Variants in AHCYL2 observed in about 807,000 individuals in gnomAD.
AHCYL2 encodes the protein S-adenosylhomocysteine hydrolase-like protein 2.
AHCYL2 carries 28 observed loss-of-function variants against 81.4 expected under a neutral mutation model. The observed-to-expected ratio is 0.34, with a 90% CI of 0.25 to 0.47. The LOEUF (loss-of-function observed/expected upper bound fraction) is 0.47, where lower values mean the gene tolerates loss of function less well. Among genes scored for constraint, AHCYL2 ranks in the 20% least tolerant of loss-of-function variants. The pLI is 1.00. For synonymous variants in AHCYL2, 272 were observed against 290.2 expected (o/e 0.94, Z 0.64); for missense variants, 551 against 785.1 (o/e 0.70, Z 3.56).
In AHCYL2 at chr7:129,331,181, C is replaced by T. The variant is rs113728485; in HGVS notation, c.364-48457C>T. On this transcript the variant is annotated intron_variant, in intron 1 of 16. Coordinates refer to ENST00000325006, the MANE Select transcript of AHCYL2 (RefSeq NM_015328.4). The stretch of plus-strand genomic sequence containing the variant: ...TATTTTTAATGTATAAAACTCTGTG[C>T]GGATGAAGGGGTGAGAAGACGAACA... Among the ~76,000 whole-genome samples the T allele has an allele frequency of 6.1e-3, 925 of 152,050 alleles. 12 individuals are homozygous for T. The highest frequency in any genetic ancestry group is 0.021 in the African/African-American group (889 of 41,478).
At position 129,426,395 on chromosome 7, in the gene AHCYL2, G is replaced by A; in HGVS notation, c.1709-48G>A. The A allele has an allele frequency of 6.2e-7, 1 of 1,613,892 alleles. No homozygotes were observed. The highest frequency in any genetic ancestry group is 8.5e-7 in the Non-Finnish European group (1 of 1,179,800). ...CCTAGCTTGGGGACAATAGCCATCA[G>A]ATAAAAGGCATGAATGCTTATACCA... is the stretch of plus-strand genomic sequence containing the variant. On this transcript the variant is annotated intron_variant, in intron 15 of 16. Coordinates refer to ENST00000325006, the MANE Select transcript of AHCYL2 (RefSeq NM_015328.4). The surrounding 1 kb of genome is among the most constrained non-coding windows in gnomAD (Gnocchi z 4.3).
intron 1 of AHCYL2, among the ~76,000 whole-genome samples, chr7:129,367,061 A>G (rs968588448): frequency 6.6e-6 from 1 of 152,172 alleles, no homozygotes; most frequent in East Asian, 1.9e-4. Flanking sequence ...TGGCCTCTTC[A>G]AAGTAGGCAA....
chr7:129,282,432 G>T (rs1367006080), intron 1 of AHCYL2, among the ~76,000 whole-genome samples: 1 of 151,798 alleles, frequency 6.6e-6, no homozygotes, highest in African/African-American at 2.4e-5. Context: ...GTTTACTTTG[G>T]GTAGTTTTTA....
intron 1 of AHCYL2, among the ~76,000 whole-genome samples, chr7:129,367,483 A>G (rs1053771992): frequency 2.6e-5 from 4 of 152,174 alleles, no homozygotes; most frequent in African/African-American, 9.7e-5. Flanking sequence ...GTTGGTATGG[A>G]GAGATAAAGC....
At chr7:129,282,201 T>C (rs574301647) in intron 1 of AHCYL2, among the ~76,000 whole-genome samples, 3 of 152,158 alleles carry the variant, frequency 2.0e-5, no homozygotes, top group Non-Finnish European at 4.4e-5. Context: ...TTTTCTATTA[T>C]TGGTGCATTT....
intron 1 of AHCYL2, among the ~76,000 whole-genome samples, chr7:129,357,206 A>G (rs1260549473): frequency 2.0e-5 from 3 of 152,338 alleles, no homozygotes; most frequent in African/African-American, 7.2e-5. Flanking sequence ...TGGAACTGAA[A>G]AGGGGTATTA....
At chr7:129,269,214 C>T (rs1795918289) in intron 1 of AHCYL2, among the ~76,000 whole-genome samples, 1 of 151,116 alleles carries the variant, frequency 6.6e-6, no homozygotes, top group African/African-American at 2.4e-5. Flanking sequence ...CCTCAACCTC[C>T]CAGGCTCAAG....
At chr7:129,412,605 G>A (rs764728630) in intron 11 of AHCYL2, among the ~76,000 whole-genome samples, 3 of 151,984 alleles carry the variant, frequency 2.0e-5, no homozygotes, top group Non-Finnish European at 4.4e-5. Context: ...TTTTAAAAGT[G>A]ACTGCACCAT....
chr7:129,247,848 C>T (rs1795113896), intron 1 of AHCYL2, among the ~76,000 whole-genome samples: 1 of 152,262 alleles, frequency 6.6e-6, no homozygotes. Context: ...TCAATCTGCC[C>T]ACTTCTGCCT....
At chr7:129,251,574 C>A (rs1315314665) in intron 1 of AHCYL2, among the ~76,000 whole-genome samples, 1 of 152,108 alleles carries the variant, frequency 6.6e-6, no homozygotes, top group Non-Finnish European at 1.5e-5. Flanking sequence ...ATTTGAAACA[C>A]ATCTCGCCTC....
intron 1 of AHCYL2, among the ~76,000 whole-genome samples, chr7:129,367,444 A>C (rs1389458422): frequency 6.6e-6 from 1 of 152,180 alleles, no homozygotes; most frequent in Non-Finnish European, 1.5e-5. Context: ...TCTTATTTCC[A>C]AAATTCTGAA....
chr7:129,231,982 G>A (rs1794460326), intron 1 of AHCYL2, among the ~76,000 whole-genome samples: 1 of 151,730 alleles, frequency 6.6e-6, no homozygotes, highest in Non-Finnish European at 1.5e-5. Context: ...TATTGGTTTG[G>A]GGCACCTAGT....
At chr7:129,412,262 A>G (rs1187496924) in intron 11 of AHCYL2, among the ~76,000 whole-genome samples, 1 of 152,138 alleles carries the variant, frequency 6.6e-6, no homozygotes, top group Admixed American at 6.6e-5. Context: ...TGAGTGATTT[A>G]AAACAAAAAA....
At chr7:129,371,334 G>A (rs541989466) in intron 1 of AHCYL2, among the ~76,000 whole-genome samples, 40 of 152,196 alleles carry the variant, frequency 2.6e-4, no homozygotes, top group African/African-American at 9.2e-4. Flanking sequence ...AGCAAAAAGG[G>A]ACTTCATATC....
At position 129,335,858 on chromosome 7, in the gene AHCYL2, G is replaced by A. The variant is rs142182794; in HGVS notation, c.364-43780G>A. 5.5e-3 allele frequency among the ~76,000 whole-genome samples: 842 copies of A among 152,206 alleles called. 11 individuals carry two copies. Among genetic ancestry groups the A allele is most frequent in the African/African-American group, 0.02 (812 of 41,510 alleles). The stretch of plus-strand genomic sequence containing the variant: ...GCATTACTTCCCCTGTACTGTATTG[G>A]TTGAAGCAGATACAAGCATGCCCAG... On this transcript the variant is annotated intron_variant, in intron 1 of 16. Transcript: ENST00000325006.
At chr7:129,396,289 A>AT (rs1010596990) in intron 4 of AHCYL2, among the ~76,000 whole-genome samples, 5 of 150,198 alleles carry the variant, frequency 3.3e-5, no homozygotes, top group East Asian at 2.0e-4. Flanking sequence ...CACCCGGCTA[A>AT]TTTTTTTTTG....
intron 1 of AHCYL2, among the ~76,000 whole-genome samples, chr7:129,324,836 G>T (rs1798162603): frequency 1.3e-5 from 2 of 152,146 alleles, no homozygotes; most frequent in Admixed American, 1.3e-4. Context: ...TTCTAACTCT[G>T]TTTCCTTTTT....
intron 1 of AHCYL2, chr7:129,377,491 T>C (rs1214189100): frequency 2.2e-6 from 1 of 455,538 alleles, no homozygotes; most frequent in Non-Finnish European, 4.4e-6. Flanking sequence ...AATTTGGCAT[T>C]GGTCCCTTGT....
chr7:129,266,072 T>C (rs927981862), intron 1 of AHCYL2, among the ~76,000 whole-genome samples: 3 of 152,220 alleles, frequency 2.0e-5, no homozygotes, highest in Non-Finnish European at 4.4e-5. Flanking sequence ...TACAGTGACC[T>C]TCTGTAGGTG....
Sources: allele counts gnomAD v4.1 joint callset (sites outside exome capture counted in the v4.1 genomes callset), GRCh38; gene constraint gnomAD v4.1.1; non-coding constraint Gnocchi (gnomAD v3.1); transcripts MANE v1.5; gene names NCBI Gene and HGNC (gene_info 2026-07-23, HGNC 2026-07-21).